The following GALNT9 variants were observed in gnomAD, a reference collection of about 807,000 sequenced individuals.
The protein encoded by GALNT9 is polypeptide N-acetylgalactosaminyltransferase 9.
Under a neutral mutation model 63.1 loss-of-function variants are expected in GALNT9, and 47 were observed. The ratio of observed to expected loss-of-function variants is 0.75; its 90% confidence interval spans 0.59 to 0.95. GALNT9 has a LOEUF of 0.95. Among genes scored for constraint, GALNT9 ranks in the 40% least tolerant of loss-of-function variants. GALNT9 has a pLI of 0.00. For missense variants in GALNT9, 829 were observed against 874.8 expected (o/e 0.95, Z 0.66); for synonymous variants, 396 against 365.7 (o/e 1.08, Z -0.94).
intron 6 of GALNT9, among the ~76,000 whole-genome samples, chr12:132,239,539 CAG>C (rs1357567859): frequency 1.4e-5 from 2 of 147,762 alleles, no homozygotes; most frequent in African/African-American, 5.1e-5. Flanking sequence ...TACAGAGAGA[CAG>C]AGTCAGAGAC....
intron 1 of GALNT9, among the ~76,000 whole-genome samples, chr12:132,302,727 C>T (rs903318068): frequency 8.5e-5 from 13 of 152,244 alleles, no homozygotes; most frequent in Admixed American, 2.6e-4. Context: ...GAAGAGGAGT[C>T]GGAGGGAAGA....
chr12:132,213,045 C>T (rs867905457), intron 6 of GALNT9, among the ~76,000 whole-genome samples: 1,833 of 131,530 alleles, frequency 0.014, no homozygotes, highest in African/African-American at 0.051. Flanking sequence ...GACCTCGACA[C>T]GGAAACCCCA....
Position 132,265,934 on chromosome 12 carries a change from A to C in GALNT9, c.420-3309T>G, listed in dbSNP as rs1451139268. On this transcript the variant is annotated intron_variant, in intron 2 of 10. Transcript: ENST00000328957. This position sits in a 1 kb window ranked among gnomAD's most constrained non-coding sequence, Gnocchi z 5.3. ...GGTACTGAGCATGTGTGCCAACCAC[A>C]GGCCTGTCTGCCTTTACACGCCCGA... is the stretch of plus-strand genomic sequence containing the variant. 6.6e-6 allele frequency among the ~76,000 whole-genome samples: 1 copy of C among 151,512 alleles called. No homozygotes were observed. The highest frequency in any genetic ancestry group is 1.5e-5 in the Non-Finnish European group (1 of 67,984).
At chr12:132,225,947 C>A (rs1281241440) in intron 6 of GALNT9, among the ~76,000 whole-genome samples, 1 of 145,354 alleles carries the variant, frequency 6.9e-6, no homozygotes, top group Non-Finnish European at 1.5e-5. Context: ...ACACCCCATA[C>A]ACCCCATATG....
At chr12:132,248,449 G>C (rs1878796282) in intron 5 of GALNT9, among the ~76,000 whole-genome samples, 1 of 151,986 alleles carries the variant, frequency 6.6e-6, no homozygotes, top group African/African-American at 2.4e-5. Flanking sequence ...CTCCAGCCTG[G>C]GCAACAGAGT....
chr12:132,325,187 C>T (rs1453436306), intron 1 of GALNT9, among the ~76,000 whole-genome samples: 2 of 152,260 alleles, frequency 1.3e-5, no homozygotes, highest in Admixed American at 6.5e-5. Flanking sequence ...GTTCCCACGG[C>T]ACTCAGTCAC....
intron 1 of GALNT9, among the ~76,000 whole-genome samples, chr12:132,317,973 G>A (rs1868599804): frequency 6.6e-6 from 1 of 152,234 alleles, no homozygotes; most frequent in East Asian, 1.9e-4. Context: ...GGGCACACTG[G>A]CTCATGCCTG....
intron 1 of GALNT9, among the ~76,000 whole-genome samples, chr12:132,306,628 C>A (rs962278080): frequency 1.3e-5 from 2 of 152,290 alleles, no homozygotes; most frequent in South Asian, 4.2e-4. Context: ...ATGGGGCACC[C>A]ACTTTCCCCA....
At chr12:132,295,568 C>T (rs1881025929) in intron 1 of GALNT9, among the ~76,000 whole-genome samples, 1 of 152,212 alleles carries the variant, frequency 6.6e-6, no homozygotes, top group Non-Finnish European at 1.5e-5. Context: ...AGAGAAGGGG[C>T]ACACACGTGA....
At chr12:132,249,643 G>A (rs1337861712) in intron 5 of GALNT9, among the ~76,000 whole-genome samples, 1 of 152,228 alleles carries the variant, frequency 6.6e-6, no homozygotes, top group African/African-American at 2.4e-5. Flanking sequence ...ATTTCAGGGT[G>A]ATCTCTGATG....
At position 132,250,031 on chromosome 12, in the gene GALNT9, G is replaced by A. The variant is rs144113802; in HGVS notation, c.960-2004C>T. ...GACGCCTCTTGTTAGCATCAGAAGC[G>A]ACTCAGCCCAGCAGCCACGGAGGGA... On this transcript the variant is annotated intron_variant, in intron 5 of 10. Transcript: ENST00000328957. Among the ~76,000 whole-genome samples the A allele has an allele frequency of 8.2e-4, 125 of 152,354 alleles. 2 individuals are homozygous for A. The highest frequency in any genetic ancestry group is 4.4e-4 in the Non-Finnish European group (30 of 68,028).
At position 132,314,607 on chromosome 12, in the gene GALNT9, C is replaced by T. The variant is rs187333368; in HGVS notation, c.238+14359G>A. Among the ~76,000 whole-genome samples, 789 of 152,320 alleles carry T rather than the reference C, an allele frequency of 5.2e-3. 6 individuals are homozygous for T. The highest frequency in any genetic ancestry group is 0.019 in the South Asian group (91 of 4,828). ...CTTCCATGAAGCTGTCCTGACCTTC[C>T]CCTTCAAAGCAATCCCCTCTCCTGC... On this transcript the variant is annotated intron_variant, in intron 1 of 10. Coordinates refer to ENST00000328957, the MANE Select transcript of GALNT9 (RefSeq NM_001122636.2).
In GALNT9 at chr12:132,236,923, G is replaced by A. The variant is rs2136895076; in HGVS notation, c.1077+10987C>T. Among the ~76,000 whole-genome samples the A allele has an allele frequency of 3.3e-5, 5 of 152,140 alleles. No homozygotes were observed. Among genetic ancestry groups the A allele is most frequent in the Admixed American group, 2.0e-4 (3 of 15,274 alleles). ...TGGTCGTGTGGCCTCCCACAGCCTG[G>A]CTTCCTCCCGCAGGCCCCACAGCTG... On this transcript the variant is annotated intron_variant, in intron 6 of 10. Coordinates refer to ENST00000328957, the MANE Select transcript of GALNT9 (RefSeq NM_001122636.2). This position sits in a 1 kb window ranked among gnomAD's most constrained non-coding sequence, Gnocchi z 5.6.
intron 6 of GALNT9, among the ~76,000 whole-genome samples, chr12:132,244,576 G>C (rs1347049410): frequency 3.8e-5 from 1 of 26,364 alleles, no homozygotes; most frequent in African/African-American, 2.8e-4. Context: ...TGATGGGGCT[G>C]GATGGGGGCG....
chr12:132,198,681 C>T (rs574356166), intron 9 of GALNT9, among the ~76,000 whole-genome samples: 6 of 152,264 alleles, frequency 3.9e-5, no homozygotes, highest in East Asian at 1.9e-4. Context: ...TTTTGAGATA[C>T]GGTCTCGCTC....
intron 1 of GALNT9, among the ~76,000 whole-genome samples, chr12:132,299,776 C>A (rs28453750): frequency 7.1e-6 from 1 of 140,584 alleles, no homozygotes; most frequent in African/African-American, 2.6e-5. Flanking sequence ...CTGAGATGAC[C>A]AACCCACTCC....
chr12:132,303,438 C>CCCTCACCCAGACACAG (rs1566019044), intron 1 of GALNT9, among the ~76,000 whole-genome samples: 11 of 90,042 alleles, frequency 1.2e-4, no homozygotes, highest in South Asian at 4.6e-4. Flanking sequence ...CCCGGGCACA[C>CCCTCACCCAGACACAG]CCTCGCCCGG....
At chr12:132,283,304 G>A (rs75739121) in intron 2 of GALNT9, 4,377 of 152,432 alleles carry the variant, frequency 0.029, 96 homozygotes, top group Middle Eastern at 0.084. Flanking sequence ...GCAGGGCCCG[G>A]GTCGCGCCTT....
Position 132,276,625 on chromosome 12 carries a change from T to G in GALNT9, c.419+9625A>C, listed in dbSNP as rs934969114. On this transcript the variant is annotated intron_variant, in intron 2 of 10. Transcript: ENST00000328957. Reference sequence around the variant, plus strand: ...CCGCAAACACAGAGCAGGGGCATGTTACTGTGCTGGGATGTAGGACGGCTT... The same window carrying G: ...CCGCAAACACAGAGCAGGGGCATGTGACTGTGCTGGGATGTAGGACGGCTT... The G allele has an allele frequency of 3.2e-5, 5 of 154,414 alleles. No individual in the cohort carries two copies. In the Admixed American group the frequency reaches 3.3e-4, roughly 10 times the overall value. 9.6% of individuals were successfully genotyped at this position (154,414 alleles called of 1,614,324 possible).
Sources: allele counts gnomAD v4.1 joint callset (sites outside exome capture counted in the v4.1 genomes callset), GRCh38; gene constraint gnomAD v4.1.1; non-coding constraint Gnocchi (gnomAD v3.1); transcripts MANE v1.5; gene names NCBI Gene and HGNC (gene_info 2026-07-23, HGNC 2026-07-21).